Variants in ADAT1 observed in about 807,000 individuals in gnomAD.
ADAT1 encodes tRNA-specific adenosine deaminase 1.
ADAT1 carries 58 observed loss-of-function variants against 58.6 expected under a neutral mutation model. The observed-to-expected ratio is 0.99, with a 90% confidence interval of 0.80 to 1.23. ADAT1 has a LOEUF of 1.23. Ranked by LOEUF, ADAT1 falls within the 50% of genes most tolerant of loss-of-function variation. The probability of loss-of-function intolerance (pLI) is 0.00; values close to 1 mark genes in which losing one functional copy is unlikely to be tolerated. For missense variants in ADAT1, 741 were observed against 608.6 expected (o/e 1.22, Z -2.29); for synonymous variants, 254 against 220.8 (o/e 1.15, Z -1.33).
At chr16:75,620,425 T>C (rs955934802) in intron 2 of ADAT1, 91 bp from the exon 3 acceptor site, 1 of 1,468,102 alleles carries the variant, frequency 6.8e-7, no homozygotes, top group South Asian at 1.1e-5. Context: ...CTCTAGGGGA[T>C]TCCCAGAGGC....
chr16:75,603,035 C>A, intron 9 of ADAT1, 50 bp downstream of exon 9: 2 of 1,553,116 alleles, frequency 1.3e-6, no homozygotes, highest in South Asian at 2.3e-5. Flanking sequence ...AAGCCAGAAT[C>A]AAAACAGTTG....
intron 6 of ADAT1, among the ~76,000 whole-genome samples, chr16:75,611,556 A>G (rs550861726): frequency 2.0e-5 from 3 of 151,582 alleles, no homozygotes; most frequent in African/African-American, 7.3e-5. Context: ...TAGTTTTTGT[A>G]TTTTTTGTAA....
Position 75,620,730 on chromosome 16 carries a change from T to A in ADAT1, c.70A>T (p.Lys24Ter). The A allele has an allele frequency of 1.2e-6, 2 of 1,614,166 alleles. No homozygotes were observed. The highest frequency in any genetic ancestry group is 1.7e-6 in the Non-Finnish European group (2 of 1,180,032). Residue 24 changes from lysine (K) to a stop codon, truncating the protein, a stop_gained, in exon 2 of 10, where the codon AAG becomes TAG. Coordinates refer to ENST00000564657, the MANE Select transcript of ADAT1 (RefSeq NM_001324445.2). LOFTEE classifies it high-confidence loss of function. ...GTCCACTCATGGTTTGGCTCAGGCTTCCCCTTCTTGGGCAGCCTGATCCCA... is the reference window on the plus strand; with the variant it reads ...GTCCACTCATGGTTTGGCTCAGGCTACCCCTTCTTGGGCAGCCTGATCCCA... ...HYGIRLPKKG[K>*]PEPNHEWTLL...
rs573341809 is a variant in ADAT1 at position 75,623,224 on chromosome 16, C to A, written c.-843G>T. ...CCCCGTCGCCCCAGCGCCTCGCGGA[C>A]GCTCCCCTCCCACCTTCAGGAAACG... On this transcript the variant is annotated 5_prime_UTR_variant, in exon 1 of 10. Coordinates refer to ENST00000564657, the MANE Select transcript of ADAT1 (RefSeq NM_001324445.2). 5 of 152,438 alleles carry A rather than the reference C, an allele frequency of 3.3e-5. No homozygotes were observed. The highest frequency in any genetic ancestry group is 6.5e-5 in the Admixed American group (1 of 15,316). The allele number at this position is 152,438 out of a possible 1,614,324, so 9.4% of individuals were successfully genotyped here.
intron 1 of ADAT1, among the ~76,000 whole-genome samples, chr16:75,621,687 G>A (rs2081933860): frequency 6.6e-6 from 1 of 152,114 alleles, no homozygotes; most frequent in Non-Finnish European, 1.5e-5. Flanking sequence ...CTACCTGGTG[G>A]TGGGGGTGAA....
rs939677385 is a variant in ADAT1, at chr16:75,597,175, G to A, written c.*3041C>T. On this transcript the variant is annotated 3_prime_UTR_variant, in exon 10 of 10. Coordinates refer to ENST00000564657, the MANE Select transcript of ADAT1 (RefSeq NM_001324445.2). ...CAGAATGTGACTTTAGTTGGAAATA[G>A]AGTCTTTGCAGATCTAGTTAGTTAA... is the stretch of plus-strand genomic sequence containing the variant. 2.3e-5 allele frequency: 5 copies of A among 212,980 alleles called. No individual in the cohort carries two copies. Among genetic ancestry groups the A allele is most frequent in the African/African-American group, 1.2e-4 (5 of 43,022 alleles). 13.2% of individuals were successfully genotyped at this position (212,980 alleles called of 1,614,324 possible).
chr16:75,602,807 C>G (rs1037619822), intron 9 of ADAT1, among the ~76,000 whole-genome samples: 2 of 152,210 alleles, frequency 1.3e-5, no homozygotes, highest in African/African-American at 2.4e-5. Context: ...ACAGTGATCT[C>G]CATCTAGAGG....
chr16:75,605,585 AACACCC>A (rs2081346871), intron 8 of ADAT1, among the ~76,000 whole-genome samples: 1 of 152,062 alleles, frequency 6.6e-6, no homozygotes, highest in African/African-American at 2.4e-5. Context: ...CGGCACCACT[AACACCC>A]ACATTGTTGA....
Position 75,607,325 on chromosome 16 carries a change from G to A in ADAT1, c.1289+899C>T, listed in dbSNP as rs199939395. ...TTGAGACCAGCCTGGCCAACATGGC[G>A]AAACCCCTCTCTACTAAAAATACAA... On this transcript the variant is annotated intron_variant, in intron 8 of 9. Transcript: ENST00000564657. Among the ~76,000 whole-genome samples the A allele has an allele frequency of 1.1e-4, 17 of 152,060 alleles. No individual in the cohort carries two copies. In the East Asian group the frequency reaches 2.1e-3, roughly 19 times the overall value.
intron 3 of ADAT1, chr16:75,619,892 TCAAAA>T: frequency 2.7e-5 from 3 of 112,674 alleles, no homozygotes; most frequent in Non-Finnish European, 2.9e-5. Flanking sequence ...AGACTCCGAG[TCAAAA>T]AAAAAAAAAA....
At chr16:75,621,612 G>A (rs1485286435) in intron 1 of ADAT1, among the ~76,000 whole-genome samples, 2 of 152,086 alleles carry the variant, frequency 1.3e-5, no homozygotes, top group Admixed American at 6.5e-5. Flanking sequence ...GCATAATTAA[G>A]GTCAACTGTG....
intron 3 of ADAT1, 68 bp downstream of exon 3, chr16:75,620,198 A>G (rs2081886214): frequency 6.6e-7 from 1 of 1,514,020 alleles, no homozygotes. Flanking sequence ...CTCTTCCCTG[A>G]CAAGGAGAGT....
At position 75,608,267 on chromosome 16, in the gene ADAT1, G is replaced by T. The variant is rs1340551366; in HGVS notation, c.1246C>A (p.Pro416Thr). The change falls in exon 8 of 10, where the codon CCA becomes ACA. Residue 416 changes from proline (P) to threonine (T), a missense_variant. Transcript: ENST00000564657. ...ATTGTTTTCTTTGTTGTTCCCTGTG[G>T]AAAGCCATTGGCAGTAACATCCAAA... ...QPLDVTANGF[P>T]QGTTKKTIGS... 1 of 1,613,978 alleles carries T rather than the reference G, an allele frequency of 6.2e-7. No homozygotes were observed. The highest frequency in any genetic ancestry group is 8.5e-7 in the Non-Finnish European group (1 of 1,179,996).
In ADAT1 at chr16:75,612,922, A is replaced by G. The variant is rs969041818; in HGVS notation, c.425-61T>C. Reference sequence around the variant, plus strand: ...CAAGTGAGGTCCCTGGACCAGCCACAATGGGATCTCTTGGGAATTCATCAG... The same window carrying G: ...CAAGTGAGGTCCCTGGACCAGCCACGATGGGATCTCTTGGGAATTCATCAG... On this transcript the variant is annotated intron_variant, in intron 5 of 9. Coordinates refer to ENST00000564657, the MANE Select transcript of ADAT1 (RefSeq NM_001324445.2). The G allele has an allele frequency of 3.9e-6, 6 of 1,548,858 alleles. No homozygotes were observed. In the African/African-American group the frequency reaches 8.3e-5, roughly 21 times the overall value.
chr16:75,612,964 G>A (rs574972627), intron 5 of ADAT1, 103 bp from the exon 6 acceptor site: 5 of 1,407,038 alleles, frequency 3.6e-6, no homozygotes, highest in South Asian at 2.9e-5. Flanking sequence ...AAACTCTTGG[G>A]ACCCACAGTA....
chr16:75,618,794 G>GC, intron 3 of ADAT1, 154 bp from the exon 4 acceptor site: 1 of 823,280 alleles, frequency 1.2e-6, no homozygotes, highest in Non-Finnish European at 1.9e-6. Flanking sequence ...GAATAACAAT[G>GC]CATCAGGTGC....
At chr16:75,618,110 A>C (rs1325863330) in intron 4 of ADAT1, among the ~76,000 whole-genome samples, 2 of 149,214 alleles carry the variant, frequency 1.3e-5, no homozygotes, top group African/African-American at 5.0e-5. Flanking sequence ...AAAAAAAAAA[A>C]AAAAAAAAAA....
intron 8 of ADAT1, among the ~76,000 whole-genome samples, chr16:75,605,629 T>C (rs777867624): frequency 5.9e-5 from 9 of 151,910 alleles, no homozygotes; most frequent in Non-Finnish European, 8.8e-5. Context: ...TATATGATGA[T>C]CTACATTTAA....
At chr16:75,606,768 T>C (rs543625291) in intron 8 of ADAT1, among the ~76,000 whole-genome samples, 1 of 152,344 alleles carries the variant, frequency 6.6e-6, no homozygotes, top group East Asian at 1.9e-4. Context: ...AATAAATGTA[T>C]ATTGTTGTTT....
Sources: gnomAD v4.1 joint callset for allele counts (sites outside exome capture counted in the v4.1 genomes callset) on GRCh38, gnomAD v4.1.1 for gene constraint, MANE v1.5 for transcripts, NCBI Gene and HGNC (gene_info 2026-07-23, HGNC 2026-07-21) for gene names.